LUZP2: variants seen among roughly 807,000 people sequenced by gnomAD.
The protein encoded by LUZP2 is leucine zipper protein 2.
In LUZP2, 52 loss-of-function variants were observed where a neutral mutation model predicts 51.6. The ratio of observed to expected loss-of-function variants is 1.01; its 90% CI spans 0.81 to 1.27. The LOEUF (loss-of-function observed/expected upper bound fraction) is 1.27. Ranked by LOEUF, LUZP2 falls within the 50% of genes most tolerant of loss-of-function variation. The pLI, the probability that LUZP2 is intolerant of heterozygous loss-of-function variation, is 0.00. For synonymous variants in LUZP2, 154 were observed against 137.3 expected (o/e 1.12, Z -0.85); for missense variants, 436 against 395.4 (o/e 1.10, Z -0.87).
At chr11:24,822,106 T>C (rs935509581) in intron 5 of LUZP2, among the ~76,000 whole-genome samples, 2 of 152,004 alleles carry the variant, frequency 1.3e-5, no homozygotes, top group African/African-American at 4.8e-5. Flanking sequence ...TAAAAGCATG[T>C]ACAGATGCTT....
At chr11:24,708,475 T>A (rs1025560166) in intron 1 of LUZP2, among the ~76,000 whole-genome samples, 4 of 152,264 alleles carry the variant, frequency 2.6e-5, no homozygotes, top group African/African-American at 9.6e-5. Flanking sequence ...TTGCCAATGT[T>A]GCCCCGAAAA....
chr11:24,617,074 G>A (rs992442343), intron 1 of LUZP2, among the ~76,000 whole-genome samples: 8 of 152,048 alleles, frequency 5.3e-5, no homozygotes, highest in African/African-American at 7.2e-5. Flanking sequence ...TAATTCTATC[G>A]CTTGTTAAAA....
At chr11:24,719,868 A>C (rs1333409110) in intron 1 of LUZP2, among the ~76,000 whole-genome samples, 4 of 152,218 alleles carry the variant, frequency 2.6e-5, no homozygotes, top group African/African-American at 9.6e-5. Flanking sequence ...CTTTGCTGAT[A>C]AAGCGAGATC....
intron 1 of LUZP2, among the ~76,000 whole-genome samples, chr11:24,567,421 T>C (rs1344552445): frequency 6.6e-6 from 1 of 152,050 alleles, no homozygotes; most frequent in Admixed American, 6.6e-5. Flanking sequence ...ATTTTTTAAA[T>C]AATTAATAGA....
intron 1 of LUZP2, among the ~76,000 whole-genome samples, chr11:24,698,703 T>C (rs1857325792): frequency 6.6e-6 from 1 of 152,170 alleles, no homozygotes; most frequent in Non-Finnish European, 1.5e-5. Context: ...TTTTTTCTTC[T>C]AGCAACTTGA....
In LUZP2 at chr11:24,995,284, T is replaced by C. The variant is rs115832482; in HGVS notation, c.765+11991T>C. On this transcript the variant is annotated intron_variant, in intron 9 of 11. Transcript: ENST00000336930. ...GGTACACGCCTGTAGTCCCAGCTAC[T>C]TGGGAGGCTGAGGGAGAAGGATGGC... 7.5e-3 allele frequency among the ~76,000 whole-genome samples: 1,138 copies of C among 152,092 alleles called. 11 individuals are homozygous for C. The highest frequency in any genetic ancestry group is 0.026 in the African/African-American group (1,077 of 41,498).
chr11:24,803,360 A>T (rs998083639), intron 5 of LUZP2, among the ~76,000 whole-genome samples: 2 of 152,010 alleles, frequency 1.3e-5, no homozygotes, highest in Non-Finnish European at 2.9e-5. Context: ...AAAAACAAAA[A>T]ACAACAACAG....
chr11:25,014,583 T>G (rs934926073), intron 9 of LUZP2, among the ~76,000 whole-genome samples: 1 of 152,206 alleles, frequency 6.6e-6, no homozygotes, highest in Admixed American at 6.5e-5. Flanking sequence ...CTTCGCCCAC[T>G]TGTTGATGGG....
At position 24,657,222 on chromosome 11, in the gene LUZP2, C is replaced by T. The variant is rs76756256; in HGVS notation, c.63-71947C>T. On this transcript the variant is annotated intron_variant, in intron 1 of 11. Coordinates refer to ENST00000336930, the MANE Select transcript of LUZP2 (RefSeq NM_001009909.4). ...TTGGAATAGATGTTAGAAGTTATAGCAGTGCTTGAATTTAAGACATATTTT... is the reference window on the plus strand; with the variant it reads ...TTGGAATAGATGTTAGAAGTTATAGTAGTGCTTGAATTTAAGACATATTTT... Among the ~76,000 whole-genome samples, 1,318 of 152,222 alleles carry T rather than the reference C, an allele frequency of 8.7e-3. 16 individuals are homozygous for T. The highest frequency in any genetic ancestry group is 0.03 in the African/African-American group (1,237 of 41,528).
intron 1 of LUZP2, among the ~76,000 whole-genome samples, chr11:24,617,017 G>A (rs1442809709): frequency 6.6e-6 from 1 of 152,082 alleles, no homozygotes; most frequent in Non-Finnish European, 1.5e-5. Flanking sequence ...AGTTCCTGTT[G>A]GTTGACGGCA....
At chr11:24,708,786 G>C (rs1857714733) in intron 1 of LUZP2, among the ~76,000 whole-genome samples, 1 of 152,180 alleles carries the variant, frequency 6.6e-6, no homozygotes, top group South Asian at 2.1e-4. Context: ...CAGTGCTCTA[G>C]AGGATGTTTT....
chr11:24,954,012 C>A (rs1360676934), intron 7 of LUZP2, among the ~76,000 whole-genome samples: 1 of 147,884 alleles, frequency 6.8e-6, no homozygotes, highest in Non-Finnish European at 1.5e-5. Context: ...AAATAATCAT[C>A]TTTTTTTTTT....
At chr11:24,927,716 A>G (rs1002186561) in intron 7 of LUZP2, among the ~76,000 whole-genome samples, 1 of 151,996 alleles carries the variant, frequency 6.6e-6, no homozygotes, top group Non-Finnish European at 1.5e-5. Context: ...GGCTTTGGCT[A>G]TGTGGGCTTC....
intron 5 of LUZP2, among the ~76,000 whole-genome samples, chr11:24,800,975 C>T (rs79748396): frequency 1.3e-5 from 2 of 152,004 alleles, no homozygotes; most frequent in African/African-American, 2.4e-5. Flanking sequence ...GCAAAAATTC[C>T]GAGTAGATTA....
intron 9 of LUZP2, among the ~76,000 whole-genome samples, chr11:25,035,071 A>G (rs1360647309): frequency 1.3e-5 from 2 of 152,176 alleles, no homozygotes; most frequent in Admixed American, 6.6e-5. Context: ...CAAATCCAAA[A>G]CAACATCATA....
intron 1 of LUZP2, among the ~76,000 whole-genome samples, chr11:24,685,407 A>G (rs1856867788): frequency 6.6e-6 from 1 of 151,922 alleles, no homozygotes; most frequent in South Asian, 2.1e-4. Flanking sequence ...CTCATCTCTT[A>G]CCTCTACCCC....
chr11:24,893,892 C>G (rs927326296), intron 5 of LUZP2, among the ~76,000 whole-genome samples: 2 of 152,046 alleles, frequency 1.3e-5, no homozygotes, highest in Non-Finnish European at 2.9e-5. Flanking sequence ...ATATGAGCAT[C>G]CATCCAGGAG....
intron 1 of LUZP2, among the ~76,000 whole-genome samples, chr11:24,658,828 C>A (rs1855911299): frequency 6.6e-6 from 1 of 152,212 alleles, no homozygotes; most frequent in African/African-American, 2.4e-5. Flanking sequence ...AAATGCTCAT[C>A]ATCACTGGCC....
At chr11:24,827,768 G>A (rs551532425) in intron 5 of LUZP2, among the ~76,000 whole-genome samples, 1 of 152,156 alleles carries the variant, frequency 6.6e-6, no homozygotes, top group East Asian at 1.9e-4. Flanking sequence ...AAACATTCCA[G>A]TGGTTCTTAA....
Sources: gnomAD v4.1 joint callset for allele counts (sites outside exome capture counted in the v4.1 genomes callset) on GRCh38, gnomAD v4.1.1 for gene constraint, MANE v1.5 for transcripts, NCBI Gene and HGNC (gene_info 2026-07-23, HGNC 2026-07-21) for gene names.